Variants in TMEM165 observed in about 807,000 individuals in gnomAD.
TMEM165 encodes the protein transmembrane protein 165.
Under a neutral mutation model 30.0 loss-of-function variants are expected in TMEM165, and 19 were observed. That is an observed-to-expected ratio of 0.63 (90% CI 0.44 to 0.93). The LOEUF is 0.93. Ranked by LOEUF, TMEM165 falls within the 40% of genes least tolerant of loss-of-function variation. The pLI, the probability that TMEM165 is intolerant of heterozygous loss-of-function variation, is 0.00. For synonymous variants in TMEM165, 168 were observed against 162.9 expected (o/e 1.03, Z -0.24); for missense variants, 340 against 417.0 (o/e 0.82, Z 1.61).
intron 3 of TMEM165, chr4:55,433,540 T>C (rs938895332): frequency 6.6e-6 from 1 of 152,220 alleles, no homozygotes; most frequent in Non-Finnish European, 1.5e-5. Context: ...TAATCTTCAT[T>C]ATTCAGAACC....
intron 1 of TMEM165, among the ~76,000 whole-genome samples, chr4:55,400,425 T>A (rs1316106702): frequency 2.3e-5 from 3 of 133,134 alleles, no homozygotes; most frequent in African/African-American, 8.4e-5. Context: ...TATATTAAAA[T>A]ATAAAAATAT....
downstream of TMEM165, among the ~76,000 whole-genome samples, chr4:55,427,452 C>T (rs1373171705): frequency 6.6e-6 from 1 of 152,092 alleles, no homozygotes; most frequent in Admixed American, 6.6e-5. Context: ...AAGCAGTTCT[C>T]CTGCCTCAGC....
rs78625493 is a variant in TMEM165 at position 55,413,861 on chromosome 4, T to C, written c.433+2022T>C. Among the ~76,000 whole-genome samples the C allele has an allele frequency of 6.6e-3, 1,000 of 152,374 alleles. 5 individuals carry two copies. The highest frequency in any genetic ancestry group is 0.015 in the South Asian group (73 of 4,834). ...ACATATACATACATTATTTATAAGC[T>C]ATATAATGCACACATATAATCACAA... On this transcript the variant is annotated intron_variant, in intron 2 of 5. Coordinates refer to ENST00000381334, the MANE Select transcript of TMEM165 (RefSeq NM_018475.5).
intron 3 of TMEM165, among the ~76,000 whole-genome samples, chr4:55,443,446 G>A (rs987010732): frequency 7.0e-6 from 1 of 143,278 alleles, no homozygotes; most frequent in African/African-American, 2.6e-5. Flanking sequence ...TTGCACTCCA[G>A]CCTGGGCAAC....
chr4:55,445,995 TGCTTCTG>T (rs989512360), intron 3 of TMEM165, among the ~76,000 whole-genome samples: 2 of 152,130 alleles, frequency 1.3e-5, no homozygotes, highest in Non-Finnish European at 2.9e-5. Context: ...ATTTCTGGTA[TGCTTCTG>T]GCTTCTGACT....
intron 3 of TMEM165, chr4:55,448,958 AT>A: frequency 9.6e-7 from 1 of 1,036,558 alleles, no homozygotes; most frequent in South Asian, 1.3e-5. Context: ...ATTCGTATTA[AT>A]AAACTTACCA....
At chr4:55,451,641 T>C (rs1248655716) in intron 3 of TMEM165, among the ~76,000 whole-genome samples, 3 of 152,178 alleles carry the variant, frequency 2.0e-5, no homozygotes, top group Non-Finnish European at 4.4e-5. Context: ...TAATTTAGGA[T>C]TTACTAGGAT....
chr4:55,398,071 T>G (rs1720806587), intron 1 of TMEM165, among the ~76,000 whole-genome samples: 1 of 152,256 alleles, frequency 6.6e-6, no homozygotes, highest in African/African-American at 2.4e-5. Context: ...TGTTACTTTC[T>G]TAGGCTTTTC....
chr4:55,434,563 A>C (rs73151857), intron 3 of TMEM165: 92 of 151,248 alleles, frequency 6.1e-4, no homozygotes, highest in African/African-American at 2.1e-3. Flanking sequence ...GAATAACTTG[A>C]AAATCCTGTT....
chr4:55,396,431 G>C (rs1560383840), intron 1 of TMEM165, 35 bp downstream of exon 1: 1 of 1,392,642 alleles, frequency 7.2e-7, no homozygotes, highest in Non-Finnish European at 9.2e-7. Flanking sequence ...CGAGGCTGCA[G>C]GGCCGGCTGC....
intron 4 of TMEM165, among the ~76,000 whole-genome samples, chr4:55,419,211 G>A (rs1721865826): frequency 6.6e-6 from 1 of 152,044 alleles, no homozygotes; most frequent in African/African-American, 2.4e-5. Context: ...AGCCAGTTTT[G>A]AACCCCTGGC....
At position 55,396,268 on chromosome 4, in the gene TMEM165, G is replaced by GC; in HGVS notation, c.83dup (p.Ala29GlyfsTer9). On this transcript the variant is annotated frameshift_variant, in exon 1 of 6. Transcript: ENST00000381334. LOFTEE classifies it high-confidence loss of function. ...GCTCTTTCTGGTTCCGCTGCTGTGG[G>GC]CCCCGGCTGCGGTCCGGGCCGGCCC... The GC allele has an allele frequency of 6.6e-7, 1 of 1,520,282 alleles. No individual in the cohort carries two copies. Among genetic ancestry groups the GC allele is most frequent in the Non-Finnish European group, 8.8e-7 (1 of 1,140,508 alleles). 94.2% of individuals were successfully genotyped at this position (1,520,282 alleles called of 1,614,324 possible).
At chr4:55,414,675 A>C (rs1721654811) in intron 2 of TMEM165, among the ~76,000 whole-genome samples, 1 of 152,148 alleles carries the variant, frequency 6.6e-6, no homozygotes, top group Non-Finnish European at 1.5e-5. Flanking sequence ...TATTGCATTT[A>C]GTTATTTATT....
intron 4 of TMEM165, 174 bp from the exon 5 acceptor site, chr4:55,424,364 A>G (rs1419977187): frequency 1.0e-5 from 6 of 574,516 alleles, no homozygotes; most frequent in Non-Finnish European, 1.9e-5. Context: ...TAACTGGTAC[A>G]TATTCCTTCA....
chr4:55,424,721 A>C, intron 5 of TMEM165, 78 bp downstream of exon 5: 1 of 961,586 alleles, frequency 1.0e-6, no homozygotes, highest in Non-Finnish European at 1.6e-6. Context: ...TGATTATTTA[A>C]ATTTCTGCTG....
chr4:55,452,943 T>C (rs1428099079), exon 4 of TMEM165: 12 of 774,812 alleles, frequency 1.5e-5, no homozygotes, highest in Middle Eastern at 7.3e-4. Flanking sequence ...ATCCCCGTTA[T>C]AAGTGAGGAA....
chr4:55,444,903 A>AT, intron 3 of TMEM165: 1 of 1,014,184 alleles, frequency 9.9e-7, no homozygotes, highest in Non-Finnish European at 1.5e-6. Flanking sequence ...ATCCTTCACT[A>AT]GTTATGTCCC....
intron 4 of TMEM165, among the ~76,000 whole-genome samples, chr4:55,421,193 A>G (rs1721961694): frequency 6.8e-6 from 1 of 146,670 alleles, no homozygotes; most frequent in Non-Finnish European, 1.5e-5. Flanking sequence ...AAAAAAGACG[A>G]CTCAGTATAC....
chr4:55,450,136 G>A (rs1336327332), intron 3 of TMEM165: 9 of 1,614,068 alleles, frequency 5.6e-6, no homozygotes, highest in East Asian at 4.5e-5. Context: ...CTTGAACTCC[G>A]AGAAGAGGCA....
Sources: gnomAD v4.1 joint callset for allele counts (sites outside exome capture counted in the v4.1 genomes callset) on GRCh38, gnomAD v4.1.1 for gene constraint, MANE v1.5 for transcripts, NCBI Gene and HGNC (gene_info 2026-07-23, HGNC 2026-07-21) for gene names.